Variants in C12orf42 observed in about 807,000 individuals in gnomAD.
The protein encoded by C12orf42 is chromosome 12 open reading frame 42.
In C12orf42, 25 loss-of-function variants were observed where a neutral mutation model predicts 21.6. The ratio of observed to expected loss-of-function variants is 1.16; its 90% CI spans 0.84 to 1.62. The LOEUF (loss-of-function observed/expected upper bound fraction) is 1.62. Ranked by LOEUF, C12orf42 falls within the 40% of genes most tolerant of loss-of-function variation. The pLI, the probability that C12orf42 is intolerant of heterozygous loss-of-function variation, is 0.00. For synonymous variants in C12orf42, 174 were observed against 175.0 expected (o/e 0.99, Z 0.05); for missense variants, 483 against 459.3 (o/e 1.05, Z -0.47).
At chr12:103,467,880 T>C (rs920860280) in intron 2 of C12orf42, among the ~76,000 whole-genome samples, 1 of 152,310 alleles carries the variant, frequency 6.6e-6, no homozygotes, top group Admixed American at 6.5e-5. Flanking sequence ...GGCTTGTTTT[T>C]CTCTTTTCTT....
the C12orf42 span, among the ~76,000 whole-genome samples, chr12:103,213,588 A>C: frequency 1.3e-5 from 2 of 152,174 alleles, no homozygotes; most frequent in African/African-American, 4.8e-5. Flanking sequence ...TCCCAGGAAC[A>C]CTGGCCAGCA....
intron 10 of C12orf42, among the ~76,000 whole-genome samples, chr12:103,258,954 A>C (rs1457084380): frequency 6.6e-6 from 1 of 152,208 alleles, no homozygotes; most frequent in Non-Finnish European, 1.5e-5. Context: ...TATGCTGATC[A>C]TAAAATTCAC....
At chr12:103,075,444 T>A in the C12orf42 span, among the ~76,000 whole-genome samples, 2 of 152,188 alleles carry the variant, frequency 1.3e-5, no homozygotes, top group African/African-American at 2.4e-5. Flanking sequence ...ATTGCCTGAG[T>A]GATTACATTT....
At chr12:103,051,112 GCAAATCTT>G in the C12orf42 span, among the ~76,000 whole-genome samples, 2 of 152,154 alleles carry the variant, frequency 1.3e-5, no homozygotes, top group Non-Finnish European at 2.9e-5. Context: ...GATGAGGTAA[GCAAATCTT>G]AAGAAAATCA....
At chr12:103,388,971 T>A (rs944667327) in intron 3 of C12orf42, among the ~76,000 whole-genome samples, 1 of 152,220 alleles carries the variant, frequency 6.6e-6, no homozygotes, top group Admixed American at 6.5e-5. Context: ...GTATGGGCTG[T>A]GCTTGCTTTC....
At chr12:103,533,666 A>C in the C12orf42 span, among the ~76,000 whole-genome samples, 4,533 of 152,322 alleles carry the variant, frequency 0.03, 241 homozygotes, top group African/African-American at 0.1. Context: ...TTGTTGGTCA[A>C]AAATGGTCAA....
chr12:103,152,583 T>C, the C12orf42 span, among the ~76,000 whole-genome samples: 3 of 152,186 alleles, frequency 2.0e-5, no homozygotes, highest in Admixed American at 1.3e-4. Context: ...GTACCTAGAA[T>C]ACTAGACTAT....
At chr12:103,362,879 T>A (rs1234275222) in intron 4 of C12orf42, among the ~76,000 whole-genome samples, 1 of 152,004 alleles carries the variant, frequency 6.6e-6, no homozygotes, top group Non-Finnish European at 1.5e-5. Flanking sequence ...AGGATATTGG[T>A]GTTCCTGAGG....
the C12orf42 span, among the ~76,000 whole-genome samples, chr12:103,064,326 T>C: frequency 1.3e-5 from 2 of 152,140 alleles, no homozygotes; most frequent in Non-Finnish European, 1.5e-5. Context: ...AGGGGCCAAA[T>C]GGCAGCACTC....
chr12:103,466,195 T>G (rs1231639122), intron 2 of C12orf42, among the ~76,000 whole-genome samples: 1 of 152,236 alleles, frequency 6.6e-6, no homozygotes, highest in Non-Finnish European at 1.5e-5. Flanking sequence ...TCTGTACCTC[T>G]GGTAGAATTC....
At chr12:103,234,893 C>A (rs1191031403), downstream of C12orf42, among the ~76,000 whole-genome samples, 1 of 152,126 alleles carries the variant, frequency 6.6e-6, no homozygotes, top group Admixed American at 6.5e-5. Flanking sequence ...TACTGGATTA[C>A]TGAATACCTT....
At chr12:103,372,266 T>A (rs2045315360) in intron 3 of C12orf42, among the ~76,000 whole-genome samples, 1 of 152,088 alleles carries the variant, frequency 6.6e-6, no homozygotes, top group Non-Finnish European at 1.5e-5. Flanking sequence ...AATCCCAAGT[T>A]TAAATATGGC....
At chr12:103,308,363 T>C (rs948316484) in intron 4 of C12orf42, among the ~76,000 whole-genome samples, 6 of 152,226 alleles carry the variant, frequency 3.9e-5, no homozygotes, top group Admixed American at 2.6e-4. Context: ...AGAGGTATAA[T>C]TCAAACTCTG....
intron 10 of C12orf42, among the ~76,000 whole-genome samples, chr12:103,246,734 G>A (rs2034027343): frequency 6.6e-6 from 1 of 152,064 alleles, no homozygotes; most frequent in African/African-American, 2.4e-5. Context: ...AACAGATGGA[G>A]GCTTTGAATC....
rs374171637 is a variant in C12orf42, at chr12:103,472,301, G to A, written c.78+6048C>T. Among the ~76,000 whole-genome samples, 816 of 151,918 alleles carry A rather than the reference G, an allele frequency of 5.4e-3. 5 individuals carry two copies. The highest frequency in any genetic ancestry group is 0.019 in the African/African-American group (770 of 41,422). ...GATCTCCTGACCTCGTGATCCGCCCGCCTCGGCCTCCCAAAGTGCTGGAAT... is the reference window on the plus strand; with the variant it reads ...GATCTCCTGACCTCGTGATCCGCCCACCTCGGCCTCCCAAAGTGCTGGAAT... On this transcript the variant is annotated intron_variant, in intron 2 of 5. Coordinates refer to ENST00000548883, the MANE Select transcript of C12orf42 (RefSeq NM_198521.5).
At chr12:103,451,704 G>A (rs1304180273) in intron 2 of C12orf42, among the ~76,000 whole-genome samples, 1 of 151,986 alleles carries the variant, frequency 6.6e-6, no homozygotes, top group African/African-American at 2.4e-5. Flanking sequence ...CATTTGTTGG[G>A]TCTATTTTCC....
chr12:103,224,416 C>T, the C12orf42 span, among the ~76,000 whole-genome samples: 1,969 of 152,150 alleles, frequency 0.013, 13 homozygotes, highest in South Asian at 0.025. Flanking sequence ...GGCGATTAGG[C>T]CTGGTGGAAC....
At chr12:103,261,437 G>A (rs1403893840) in intron 10 of C12orf42, among the ~76,000 whole-genome samples, 5 of 148,370 alleles carry the variant, frequency 3.4e-5, no homozygotes, top group Non-Finnish European at 5.9e-5. Flanking sequence ...AGCCGAGATC[G>A]TGCCACTGCA....
the C12orf42 span, chr12:103,168,233 T>C: frequency 8.0e-6 from 3 of 375,188 alleles, no homozygotes; most frequent in Non-Finnish European, 1.6e-5. Context: ...ATATTCAATG[T>C]ACTCAATTTA....
Sources: gnomAD v4.1 joint callset for allele counts (sites outside exome capture counted in the v4.1 genomes callset) on GRCh38, gnomAD v4.1.1 for gene constraint, MANE v1.5 for transcripts, NCBI Gene and HGNC (gene_info 2026-07-23, HGNC 2026-07-21) for gene names.